The following LEF1 variants were observed in gnomAD, a reference collection of about 807,000 sequenced individuals.
LEF1 encodes lymphoid enhancer-binding factor 1.
LEF1 carries 14 observed loss-of-function variants against 51.2 expected under a neutral mutation model. The ratio of observed to expected loss-of-function variants is 0.27; its 90% CI spans 0.18 to 0.43. The LOEUF (loss-of-function observed/expected upper bound fraction) is 0.43, where lower values mean the gene tolerates loss of function less well. LEF1 is among the 20% of genes least tolerant of loss of function. The pLI is 1.00. For synonymous variants in LEF1, 185 were observed against 183.2 expected (o/e 1.01, Z -0.08); for missense variants, 386 against 512.0 (o/e 0.75, Z 2.37).
intron 1 of LEF1, among the ~76,000 whole-genome samples, chr4:108,166,963 C>A (rs1578417878): frequency 6.6e-6 from 1 of 152,080 alleles, no homozygotes; most frequent in South Asian, 2.1e-4. Context: ...CCCCCGCAGC[C>A]CGGGTGCGCG....
At chr4:108,149,724 T>A (rs1744251428) in intron 3 of LEF1, among the ~76,000 whole-genome samples, 4 of 150,948 alleles carry the variant, frequency 2.6e-5, no homozygotes, top group Admixed American at 2.6e-4. Flanking sequence ...CACATAAAGA[T>A]GAGCACACGT....
At chr4:108,070,480 A>C (rs1347600427) in intron 9 of LEF1, 183 bp downstream of exon 9, 1 of 420,154 alleles carries the variant, frequency 2.4e-6, no homozygotes, top group African/African-American at 2.0e-5. Context: ...CATAGCAAAA[A>C]AAAAAAGATA....
At chr4:108,150,228 G>C (rs1259416853) in intron 3 of LEF1, among the ~76,000 whole-genome samples, 1 of 152,144 alleles carries the variant, frequency 6.6e-6, no homozygotes, top group African/African-American at 2.4e-5. Context: ...GCAGACTTTT[G>C]CCTGTAAATG....
At position 108,048,407 on chromosome 4, in the gene LEF1, A is replaced by G. The variant is rs1736759085; in HGVS notation, c.*351T>C. ...GAAAGGTTACAGGTTTGGATGCAAG[A>G]TGCTCTGGGAAGTGCACGCAGATAT... On this transcript the variant is annotated 3_prime_UTR_variant, in exon 12 of 12. Transcript: ENST00000265165. The G allele has an allele frequency of 7.1e-6, 2 of 279,890 alleles. No individual in the cohort carries two copies. Among genetic ancestry groups the G allele is most frequent in the Admixed American group, 5.2e-5 (1 of 19,118 alleles). 17.3% of individuals were successfully genotyped at this position (279,890 alleles called of 1,614,324 possible).
rs1254293982 is a variant in LEF1 at position 108,099,892 on chromosome 4, ACTT to A, written c.415-10638_415-10636del. ...GTGTGTCTTGAAGCAGTTATATGTA[ACTT>A]CTTCAACTTGCCAGTCAACTCAGAT... On this transcript the variant is annotated intron_variant, in intron 3 of 11. Coordinates refer to ENST00000265165, the MANE Select transcript of LEF1 (RefSeq NM_016269.5). 3.9e-5 allele frequency among the ~76,000 whole-genome samples: 6 copies of A among 152,056 alleles called. No homozygotes were observed. The East Asian group carries it at 1.2e-3, about 30-fold the overall frequency.
At chr4:108,069,789 T>C (rs1462568981) in intron 9 of LEF1, among the ~76,000 whole-genome samples, 1 of 151,940 alleles carries the variant, frequency 6.6e-6, no homozygotes, top group Non-Finnish European at 1.5e-5. Context: ...AAACCCTGTC[T>C]CTACTAAAAA....
chr4:108,124,627 C>G (rs545279413), intron 3 of LEF1, among the ~76,000 whole-genome samples: 1 of 152,260 alleles, frequency 6.6e-6, no homozygotes, highest in East Asian at 1.9e-4. Flanking sequence ...CTCGGCCTCC[C>G]AAAGTGCTGG....
At chr4:108,164,631 GA>G (rs1420842820) in intron 2 of LEF1, among the ~76,000 whole-genome samples, 1 of 152,164 alleles carries the variant, frequency 6.6e-6, no homozygotes, top group Non-Finnish European at 1.5e-5. Flanking sequence ...TTACAAGTTA[GA>G]TTCTGCTCTG....
intron 3 of LEF1, among the ~76,000 whole-genome samples, chr4:108,103,587 G>C (rs888786281): frequency 6.6e-6 from 1 of 152,090 alleles, no homozygotes; most frequent in African/African-American, 2.4e-5. Context: ...TGATTTCACC[G>C]GAATTTGGAT....
At chr4:108,112,494 G>T (rs1741593502) in intron 3 of LEF1, among the ~76,000 whole-genome samples, 1 of 152,214 alleles carries the variant, frequency 6.6e-6, no homozygotes, top group Admixed American at 6.5e-5. Context: ...AAGCCAGACT[G>T]CCAGGGGCTG....
At chr4:108,157,221 A>AC (rs1430240760) in intron 3 of LEF1, among the ~76,000 whole-genome samples, 19 of 51,558 alleles carry the variant, frequency 3.7e-4, no homozygotes, top group South Asian at 7.6e-4. Context: ...CACACACACA[A>AC]ACACACATAT....
At chr4:108,129,113 C>T (rs1380173511) in intron 3 of LEF1, among the ~76,000 whole-genome samples, 2 of 152,192 alleles carry the variant, frequency 1.3e-5, no homozygotes, top group African/African-American at 4.8e-5. Context: ...CTTCCTCAAA[C>T]TCCTCTCATT....
At chr4:108,099,564 G>GTGTATATATATATATA (rs796692179) in intron 3 of LEF1, among the ~76,000 whole-genome samples, 14 of 59,314 alleles carry the variant, frequency 2.4e-4, no homozygotes, top group African/African-American at 4.7e-4. Context: ...GTATGTGTGT[G>GTGTATATATATATATA]TGTGTGTATA....
intron 9 of LEF1, chr4:108,070,382 G>A (rs530608072): frequency 4.1e-6 from 1 of 242,252 alleles, no homozygotes; most frequent in South Asian, 1.6e-4. Context: ...TAAGATTATG[G>A]TCTTTTTTTA....
intron 2 of LEF1, 113 bp from the exon 3 acceptor site, chr4:108,163,814 T>G (rs1435909867): frequency 1.1e-5 from 12 of 1,116,004 alleles, no homozygotes; most frequent in Middle Eastern, 2.6e-4. Flanking sequence ...CATAAAAGAT[T>G]TGTTTACAAA....
Position 108,070,614 on chromosome 4 carries a change from G to C in LEF1, c.1116+49C>G, listed in dbSNP as rs758872668. 12 of 1,232,110 alleles carry C rather than the reference G, an allele frequency of 9.7e-6. No individual in the cohort carries two copies. In the South Asian group the frequency reaches 1.5e-4, roughly 15 times the overall value. The allele number at this position is 1,232,110 out of a possible 1,614,324, so 76.3% of individuals were successfully genotyped here. Reference sequence around the variant, plus strand: ...ACACATTTCCTTCTTGAACGCAAAAGAGCGAATGAGTGAGAGTGGAGAGCC... The same window carrying C: ...ACACATTTCCTTCTTGAACGCAAAACAGCGAATGAGTGAGAGTGGAGAGCC... On this transcript the variant is annotated intron_variant, in intron 9 of 11. Coordinates refer to ENST00000265165, the MANE Select transcript of LEF1 (RefSeq NM_016269.5).
At chr4:108,164,021 A>T (rs1745234805) in intron 2 of LEF1, among the ~76,000 whole-genome samples, 1 of 152,222 alleles carries the variant, frequency 6.6e-6, no homozygotes, top group Non-Finnish European at 1.5e-5. Flanking sequence ...TAAAATATAC[A>T]GAACACACAC....
chr4:108,118,358 G>A (rs140772661), intron 3 of LEF1, among the ~76,000 whole-genome samples: 79 of 152,228 alleles, frequency 5.2e-4, no homozygotes, highest in Non-Finnish European at 8.8e-4. Flanking sequence ...TCAACAGATC[G>A]ATTTGTCAAC....
chr4:108,131,991 A>T (rs976596932), intron 3 of LEF1, among the ~76,000 whole-genome samples: 7 of 152,164 alleles, frequency 4.6e-5, no homozygotes, highest in African/African-American at 1.7e-4. Context: ...AATTCAAGGT[A>T]AACGTTTTTA....
Sources: gnomAD v4.1 joint callset for allele counts (sites outside exome capture counted in the v4.1 genomes callset) on GRCh38, gnomAD v4.1.1 for gene constraint, MANE v1.5 for transcripts, NCBI Gene and HGNC (gene_info 2026-07-23, HGNC 2026-07-21) for gene names.